ACP7: variants seen among roughly 807,000 people sequenced by gnomAD.
ACP7 encodes the protein acid phosphatase 7, tartrate resistant (putative).
A neutral mutation model predicts 60.6 loss-of-function variants in ACP7; 58 were observed. That is an observed-to-expected ratio of 0.96 (90% CI 0.77 to 1.19). The LOEUF is 1.19. ACP7 is among the 50% of genes most tolerant of loss of function. ACP7 has a pLI of 0.00. For missense variants in ACP7, 574 were observed against 596.2 expected, an observed-to-expected ratio of 0.96 and a Z score of 0.39; for synonymous variants, 237 against 232.6, an observed-to-expected ratio of 1.02 and a Z score of -0.17.
chr19:39,086,439 G>A (rs1009487708), intron 2 of ACP7, among the ~76,000 whole-genome samples: 3 of 152,040 alleles, frequency 2.0e-5, no homozygotes, highest in African/African-American at 7.2e-5. Flanking sequence ...AGACCAGCCT[G>A]GGTAACATGG....
At chr19:39,100,189 G>A in intron 4 of ACP7, 38 bp from the exon 5 acceptor site, 1 of 1,608,312 alleles carries the variant, frequency 6.2e-7, no homozygotes, top group Non-Finnish European at 8.5e-7. Flanking sequence ...AGCAGAGCTG[G>A]GCCTGGGTCC....
In ACP7 at chr19:39,110,196, T is replaced by C. The variant is rs1251483735; in HGVS notation, c.*78T>C. 4 of 1,413,646 alleles carry C rather than the reference T, an allele frequency of 2.8e-6. No homozygotes were observed. The East Asian group carries it at 6.8e-5, about 24-fold the overall frequency. The allele number at this position is 1,413,646 out of a possible 1,614,324, so 87.6% of individuals were successfully genotyped here. On this transcript the variant is annotated 3_prime_UTR_variant, in exon 13 of 13. Transcript: ENST00000331256. Reference sequence around the variant, plus strand: ...TGACCAGAAACTGCCCAGGCCTGGGTGGGGAGTTGGGTGGGCCCTGACTCC... The same window carrying C: ...TGACCAGAAACTGCCCAGGCCTGGGCGGGGAGTTGGGTGGGCCCTGACTCC...
Position 39,107,066 on chromosome 19 carries a change from G to A in ACP7, c.1233G>A (p.Gln411=). The A allele has an allele frequency of 6.2e-7, 1 of 1,613,986 alleles. No homozygotes were observed. Residue 411 remains glutamine, a synonymous_variant, in exon 12 of 13, where the codon CAG becomes CAA. Transcript: ENST00000331256. The stretch of plus-strand genomic sequence containing the variant: ...TCAACGGGACCCACATCCACATCCA[G>A]CAGGTGTCGGACGACCAGGTCAGTG... The part of the protein sequence containing the change: ...HILNGTHIHI[Q]QVSDDQDGKI...
intron 11 of ACP7, among the ~76,000 whole-genome samples, chr19:39,102,957 C>A (rs1424719749): frequency 1.3e-5 from 2 of 151,778 alleles, no homozygotes; most frequent in Admixed American, 6.6e-5. Context: ...CTTGCCTCAG[C>A]CTCTCAAGTA....
At chr19:39,091,506 A>G (rs1428860368) in intron 2 of ACP7, among the ~76,000 whole-genome samples, 2 of 152,188 alleles carry the variant, frequency 1.3e-5, no homozygotes, top group Non-Finnish European at 2.9e-5. Context: ...AGATCTGGGC[A>G]CTAGGTGTGC....
intron 11 of ACP7, among the ~76,000 whole-genome samples, chr19:39,104,038 G>A (rs186921592): frequency 2.7e-5 from 4 of 146,658 alleles, no homozygotes; most frequent in Non-Finnish European, 6.0e-5. Context: ...CTAGGAGTTC[G>A]AGACCAGCCT....
Position 39,100,967 on chromosome 19 carries a change from G to A in ACP7, c.826G>A (p.Ala276Thr), listed in dbSNP as rs1488277991. Residue 276 changes from alanine (A) to threonine (T), a missense_variant, in exon 8 of 13, where the codon GCA (alanine) becomes ACA (threonine). Transcript: ENST00000331256. The part of the protein sequence containing the change: ...SDLQKANKNR[A>T]ARPWIITMGH... The stretch of plus-strand genomic sequence containing the variant: ...TCCCTAGAAAGCCAATAAGAACCGG[G>A]CAGCCCGGCCGTGGATCATCACTAT... The A allele has an allele frequency of 1.2e-6, 2 of 1,613,626 alleles. No homozygotes were observed. Among genetic ancestry groups the A allele is most frequent in the Admixed American group, 1.7e-5 (1 of 59,990 alleles).
chr19:39,102,120 TCACACACACA>T (rs561424510), intron 11 of ACP7, among the ~76,000 whole-genome samples: 133 of 145,850 alleles, frequency 9.1e-4, no homozygotes, highest in African/African-American at 3.1e-3. Context: ...ACCCTTTCTC[TCACACACACA>T]CACACACACA....
At chr19:39,102,901 G>A (rs2073371621) in intron 11 of ACP7, among the ~76,000 whole-genome samples, 1 of 150,016 alleles carries the variant, frequency 6.7e-6, no homozygotes, top group Non-Finnish European at 1.5e-5. Context: ...GCAGTGGCAC[G>A]ATCTCGGCTC....
chr19:39,101,042 C>T lies in ACP7; in HGVS notation c.901C>T (p.Arg301Ter), dbSNP rs746541845. The T allele has an allele frequency of 4.3e-6, 7 of 1,613,910 alleles. No homozygotes were observed. The highest frequency in any genetic ancestry group is 5.9e-6 in the Non-Finnish European group (7 of 1,180,040). ...CSNADLDDCTRHESKVRKGLQ... is the reference protein window; with the variant it reads ...CSNADLDDCT ...CAACGCAGATCTGGACGACTGCACA[C>T]GACATGAAAGCAAGGTGAGGTCCCT... The change falls in exon 8 of 13, where the codon CGA becomes TGA. Residue 301 changes from arginine to a stop codon, truncating the protein, a stop_gained. Transcript: ENST00000331256. LOFTEE classifies it high-confidence loss of function.
chr19:39,085,395 G>A lies in ACP7; in HGVS notation c.121+5G>A. Reference sequence around the variant, plus strand: ...AAGTCCATCTGTCTTACCCAGGTAAGTGTCCCTGACTCATTTCTATGCCTC... The same window carrying A: ...AAGTCCATCTGTCTTACCCAGGTAAATGTCCCTGACTCATTTCTATGCCTC... On this transcript the variant is annotated splice_donor_5th_base_variant and intron_variant, in intron 2 of 12. Transcript: ENST00000331256. The A allele has an allele frequency of 5.6e-6, 9 of 1,607,664 alleles. No individual in the cohort carries two copies. The highest frequency in any genetic ancestry group is 7.6e-6 in the Non-Finnish European group (9 of 1,177,124).
intron 2 of ACP7, among the ~76,000 whole-genome samples, chr19:39,092,057 C>T (rs1050433281): frequency 2.6e-5 from 4 of 152,034 alleles, no homozygotes; most frequent in African/African-American, 9.7e-5. Flanking sequence ...ACTCTGTCTA[C>T]GATATATTTA....
chr19:39,089,629 G>A (rs1269905906), intron 2 of ACP7, among the ~76,000 whole-genome samples: 1 of 152,118 alleles, frequency 6.6e-6, no homozygotes, highest in Non-Finnish European at 1.5e-5. Flanking sequence ...ATTGCATTTA[G>A]CTGTTGTGCC....
At chr19:39,087,634 T>G (rs1191959999) in intron 2 of ACP7, among the ~76,000 whole-genome samples, 10 of 24,892 alleles carry the variant, frequency 4.0e-4, no homozygotes, top group Non-Finnish European at 6.3e-4. Context: ...CTAATTTTGT[T>G]TTTTTTTTTT....
At chr19:39,101,399 G>A (rs369997229) in intron 10 of ACP7, 44 bp downstream of exon 10, 6 of 1,613,738 alleles carry the variant, frequency 3.7e-6, no homozygotes. Flanking sequence ...CTGGGGTCAG[G>A]GTGGTCAGAA....
In ACP7 at chr19:39,107,025, A is replaced by G; in HGVS notation, c.1192A>G (p.Thr398Ala). The G allele has an allele frequency of 6.2e-7, 1 of 1,614,090 alleles. No homozygotes were observed. Among genetic ancestry groups the G allele is most frequent in the Non-Finnish European group, 8.5e-7 (1 of 1,180,030 alleles). Residue 398 changes from threonine to alanine, a missense_variant, in exon 12 of 13, where the codon ACG (threonine) becomes GCG (alanine). Physicochemically the swap from Thr to Ala is moderately conservative, Grantham distance 58 (BLOSUM62 0). Transcript: ENST00000331256. The stretch of plus-strand genomic sequence containing the variant: ...CGTGCGTGTGAAGGAGTACGGGTAT[A>G]CGCGGCTGCACATCCTCAACGGGAC... ...SAVRVKEYGY[T>A]RLHILNGTHI...
In ACP7 at chr19:39,098,444, C is replaced by T. The variant is rs1304221176; in HGVS notation, c.122-14C>T. The stretch of plus-strand genomic sequence containing the variant: ...GCTTCACTCCCGGTCTACCCTCTGT[C>T]CCTTTCTCCCCAGGTGAGCCAGGCT... On this transcript the variant is annotated splice_polypyrimidine_tract_variant and intron_variant, in intron 2 of 12. Transcript: ENST00000331256. 4 of 1,481,922 alleles carry T rather than the reference C, an allele frequency of 2.7e-6. No homozygotes were observed. The highest frequency in any genetic ancestry group is 3.6e-6 in the Non-Finnish European group (4 of 1,107,458). The allele number at this position is 1,481,922 out of a possible 1,614,324, so 91.8% of individuals were successfully genotyped here. A position where few individuals can be genotyped will look rare whatever the true frequency, so the allele number is the denominator to read the frequency against.
chr19:39,100,648 G>A lies in ACP7; in HGVS notation c.692+6G>A, dbSNP rs900583563. 1 of 1,613,870 alleles carries A rather than the reference G, an allele frequency of 6.2e-7. No individual in the cohort carries two copies. The highest frequency in any genetic ancestry group is 1.3e-5 in the African/African-American group (1 of 74,890). ...AATGAGGGCCTGTGGTACAGGTAAT[G>A]TGGGGGTGCTGGGGGACTGGCCCTC... On this transcript the variant is annotated splice_donor_region_variant and intron_variant, in intron 6 of 12. Transcript: ENST00000331256.
intron 12 of ACP7, among the ~76,000 whole-genome samples, chr19:39,109,279 G>C (rs934710627): frequency 7.9e-5 from 12 of 152,160 alleles, no homozygotes; most frequent in African/African-American, 2.9e-4. Context: ...CATTTATCGA[G>C]TGGCACATGC....
Sources: allele counts gnomAD v4.1 joint callset (sites outside exome capture counted in the v4.1 genomes callset), GRCh38; gene constraint gnomAD v4.1.1; transcripts MANE v1.5; gene names NCBI Gene and HGNC (gene_info 2026-07-23, HGNC 2026-07-21).